MYO3B: variants seen among roughly 807,000 people sequenced by gnomAD.
MYO3B encodes myosin IIIB, also known as myosin-IIIb.
Under a neutral mutation model 174.6 loss-of-function variants are expected in MYO3B, and 156 were observed. The ratio of observed to expected loss-of-function variants is 0.89; its 90% confidence interval spans 0.78 to 1.02. The LOEUF (loss-of-function observed/expected upper bound fraction) is 1.02. MYO3B is among the 50% of genes least tolerant of loss of function. The pLI is 0.00. For missense variants in MYO3B, 1,632 were observed against 1,639.4 expected (o/e 1.00, Z 0.08); for synonymous variants, 563 against 569.1 (o/e 0.99, Z 0.15).
chr2:170,287,948 T>A (rs776112895), intron 7 of MYO3B, among the ~76,000 whole-genome samples: 1 of 152,090 alleles, frequency 6.6e-6, no homozygotes, highest in Non-Finnish European at 1.5e-5. Context: ...CATATAGTTA[T>A]CCTGTTTTCC....
chr2:170,382,077 G>A lies in MYO3B; in HGVS notation c.1033G>A (p.Glu345Lys). Residue 345 changes from glutamate to lysine, a missense_variant, in exon 10 of 35, where the codon GAG becomes AAG. Physicochemically the swap from Glu to Lys is moderately conservative, Grantham distance 56. Transcript: ENST00000408978. ...GGAAGATGCTGAAAAATACTGCCTTGAGGATGATTTGGTCAACCTAGAGGT... is the reference window on the plus strand; with the variant it reads ...GGAAGATGCTGAAAAATACTGCCTTAAGGATGATTTGGTCAACCTAGAGGT... ...HVEDAEKYCL[E>K]DDLVNLEVLD... 6.2e-7 allele frequency: 1 copy of A among 1,613,600 alleles called. No homozygotes were observed. The highest frequency in any genetic ancestry group is 8.5e-7 in the Non-Finnish European group (1 of 1,179,666).
chr2:170,487,475 G>A (rs1299220736), intron 25 of MYO3B, among the ~76,000 whole-genome samples: 1 of 152,138 alleles, frequency 6.6e-6, no homozygotes, highest in Non-Finnish European at 1.5e-5. Flanking sequence ...TTTATTTAAT[G>A]GAGATGAAAA....
At chr2:170,308,588 C>G (rs1421817107) in intron 7 of MYO3B, among the ~76,000 whole-genome samples, 2 of 152,272 alleles carry the variant, frequency 1.3e-5, no homozygotes, top group East Asian at 3.9e-4. Flanking sequence ...GCATCCAGGT[C>G]TCTGTGCCTT....
At chr2:170,401,792 C>CTTTTTTTTTTTT (rs1558964945) in intron 18 of MYO3B, 101 bp downstream of exon 18, 1 of 802,074 alleles carries the variant, frequency 1.2e-6, no homozygotes, top group African/African-American at 1.9e-5. Flanking sequence ...CTGGGATTTT[C>CTTTTTTTTTTTT]TTTCTTTTTC....
chr2:170,372,991 C>T (rs13003957), intron 9 of MYO3B, among the ~76,000 whole-genome samples: 126,188 of 151,784 alleles, frequency 0.83, 55,798 homozygotes, highest in Non-Finnish European at 0.99. Flanking sequence ...AGCCACGTCA[C>T]CATGGGCCTA....
At chr2:170,645,074 AGTGGG>A (rs1698260454) in intron 32 of MYO3B, among the ~76,000 whole-genome samples, 2 of 152,170 alleles carry the variant, frequency 1.3e-5, no homozygotes, top group Admixed American at 1.3e-4. Flanking sequence ...TGTACGACAA[AGTGGG>A]GAGTTTGGTT....
Position 170,369,208 on chromosome 2 carries a change from GT to G in MYO3B, c.816-9del. 1 of 1,610,382 alleles carries G rather than the reference GT, an allele frequency of 6.2e-7. No individual in the cohort carries two copies. The highest frequency in any genetic ancestry group is 1.1e-5 in the South Asian group (1 of 90,714). On this transcript the variant is annotated splice_polypyrimidine_tract_variant and intron_variant, in intron 8 of 34. Coordinates refer to ENST00000408978, the MANE Select transcript of MYO3B (RefSeq NM_138995.5). Reference sequence around the variant, plus strand: ...AGATTGTACTTTGGATTGTTTGTTGGTTTTTGCAAACAGGTGTCTTATTAAG... The same window carrying G: ...AGATTGTACTTTGGATTGTTTGTTGGTTTTGCAAACAGGTGTCTTATTAAG...
intron 16 of MYO3B, among the ~76,000 whole-genome samples, chr2:170,394,530 A>G (rs2094433323): frequency 2.0e-5 from 3 of 152,138 alleles, no homozygotes. Flanking sequence ...TAAATGAATG[A>G]CTGTATGAAT....
intron 7 of MYO3B, among the ~76,000 whole-genome samples, chr2:170,242,642 G>T (rs181844182): frequency 1.3e-5 from 2 of 152,300 alleles, no homozygotes; most frequent in East Asian, 3.9e-4. Flanking sequence ...GCAGGAGCAT[G>T]CCTTCAGGGA....
chr2:170,225,345 CCTTA>C (rs1389053520), intron 6 of MYO3B, among the ~76,000 whole-genome samples: 15 of 152,190 alleles, frequency 9.9e-5, no homozygotes, highest in African/African-American at 3.6e-4. Flanking sequence ...TCTCCAAAGT[CCTTA>C]CTTTTAACCA....
At chr2:170,314,061 G>GC (rs964268776) in intron 7 of MYO3B, among the ~76,000 whole-genome samples, 5 of 152,146 alleles carry the variant, frequency 3.3e-5, no homozygotes, top group Non-Finnish European at 5.9e-5. Flanking sequence ...CCTCCCTACA[G>GC]CCCCCCTGCC....
chr2:170,262,343 A>T (rs2093351801), intron 7 of MYO3B, among the ~76,000 whole-genome samples: 1 of 152,214 alleles, frequency 6.6e-6, no homozygotes, highest in South Asian at 2.1e-4. Context: ...AATGCTGAGC[A>T]TCTTGGTAGC....
chr2:170,466,437 G>A (rs1262382227), intron 24 of MYO3B, 69 bp from the exon 25 acceptor site: 20 of 1,440,124 alleles, frequency 1.4e-5, no homozygotes, highest in Middle Eastern at 1.8e-4. Flanking sequence ...AGGCTTCTGC[G>A]GGCCTGTGTT....
chr2:170,458,813 TA>T (rs1684060193), intron 23 of MYO3B, among the ~76,000 whole-genome samples: 2 of 152,240 alleles, frequency 1.3e-5, no homozygotes, highest in Non-Finnish European at 1.5e-5. Context: ...AGGAGAACCT[TA>T]TGAATATGCA....
intron 7 of MYO3B, among the ~76,000 whole-genome samples, chr2:170,297,006 C>A (rs1356806435): frequency 1.3e-5 from 2 of 152,158 alleles, no homozygotes; most frequent in Non-Finnish European, 2.9e-5. Context: ...GGCCCCACCT[C>A]CAACATTGGG....
rs182725592 is a variant in MYO3B at position 170,230,614 on chromosome 2, T to G, written c.604-5377T>G. ...TTAAGGCAAACTTTTCAATATTTAT[T>G]TATATTTTCAAGACAAAAAAACATA... On this transcript the variant is annotated intron_variant, in intron 6 of 34. Transcript: ENST00000408978. Among the ~76,000 whole-genome samples, 461 of 151,808 alleles carry G rather than the reference T, an allele frequency of 3.0e-3. 4 individuals carry two copies. Among genetic ancestry groups the G allele is most frequent in the Middle Eastern group, 0.02 (6 of 294 alleles).
intron 32 of MYO3B, among the ~76,000 whole-genome samples, chr2:170,620,290 T>C (rs532617806): frequency 1.7e-3 from 259 of 152,312 alleles, no homozygotes; most frequent in African/African-American, 6.0e-3. Flanking sequence ...TGTACTTCCA[T>C]GACACATAAC....
In MYO3B at chr2:170,651,623, T is replaced by C. The variant is rs757848118; in HGVS notation, c.3734-5T>C. 1.2e-5 allele frequency: 20 copies of C among 1,613,916 alleles called. No individual in the cohort carries two copies. Among genetic ancestry groups the C allele is most frequent in the Admixed American group, 3.3e-5 (2 of 59,988 alleles). ...GTTTACAGCAAAGTTTTGCTCTTTT[T>C]TCAGGTTCAGAAAATGGTCTTGCAC... is the stretch of plus-strand genomic sequence containing the variant. On this transcript the variant is annotated splice_polypyrimidine_tract_variant and splice_region_variant and intron_variant, in intron 32 of 34. Transcript: ENST00000408978.
At chr2:170,348,292 C>A (rs1304054503) in intron 8 of MYO3B, 2 of 152,258 alleles carry the variant, frequency 1.3e-5, no homozygotes, top group African/African-American at 4.8e-5. Context: ...GGCTGGAGTA[C>A]AGTGGCACAA....
Sources: allele counts gnomAD v4.1 joint callset (sites outside exome capture counted in the v4.1 genomes callset), GRCh38; gene constraint gnomAD v4.1.1; transcripts MANE v1.5; gene names NCBI Gene and HGNC (gene_info 2026-07-23, HGNC 2026-07-21).